ACSM2B: variants seen among roughly 807,000 people sequenced by gnomAD.
The protein encoded by ACSM2B is acyl-CoA synthetase medium chain family member 2B.
A neutral mutation model predicts 78.6 loss-of-function variants in ACSM2B; 58 were observed. That is an observed-to-expected ratio of 0.74 (90% CI 0.60 to 0.92). ACSM2B has a LOEUF of 0.92. ACSM2B is among the 40% of genes least tolerant of loss of function. The pLI, the probability that ACSM2B is intolerant of heterozygous loss-of-function variation, is 0.00. For synonymous variants in ACSM2B, 257 were observed against 256.8 expected, an observed-to-expected ratio of 1.00 and a Z score of -0.01; for missense variants, 688 against 711.2, an observed-to-expected ratio of 0.97 and a Z score of 0.37.
rs533140564 is a variant in ACSM2B at position 20,536,344 on chromosome 16, G to A, written c.*914C>T. On this transcript the variant is annotated 3_prime_UTR_variant, in exon 14 of 14. Coordinates refer to ENST00000329697, the MANE Select transcript of ACSM2B (RefSeq NM_001105069.2). Reference sequence around the variant, plus strand: ...TGAGGTATGGGTAGCTGATAACTTTGGCAGTGCTTACTTTGTTCTCACAGC... The same window carrying A: ...TGAGGTATGGGTAGCTGATAACTTTAGCAGTGCTTACTTTGTTCTCACAGC... 3.3e-5 allele frequency: 5 copies of A among 152,196 alleles called. No homozygotes were observed. In the South Asian group the frequency reaches 1.0e-3, roughly 32 times the overall value. 9.4% of individuals were successfully genotyped at this position (152,196 alleles called of 1,614,324 possible). A position where few individuals can be genotyped will look rare whatever the true frequency, so the allele number is the denominator to read the frequency against.
intron 9 of ACSM2B, 141 bp from the exon 10 acceptor site, chr16:20,545,399 C>T (rs1204550807): frequency 1.0e-6 from 1 of 965,322 alleles, no homozygotes; most frequent in Non-Finnish European, 1.5e-6. Flanking sequence ...ACCAAGGGAA[C>T]CCAAGAGTCT....
chr16:20,546,300 C>T, intron 9 of ACSM2B, 94 bp downstream of exon 9: 1 of 1,494,416 alleles, frequency 6.7e-7, no homozygotes, highest in Non-Finnish European at 9.0e-7. Context: ...TCAGTACTTT[C>T]TATTATTTTT....
chr16:20,567,793 T>C (rs2015971274), intron 1 of ACSM2B, among the ~76,000 whole-genome samples: 1 of 140,662 alleles, frequency 7.1e-6, no homozygotes, highest in Non-Finnish European at 1.5e-5. Flanking sequence ...ATAATATATA[T>C]GATATATAAT....
intron 13 of ACSM2B, among the ~76,000 whole-genome samples, chr16:20,537,901 T>C (rs1275142776): frequency 6.6e-6 from 1 of 152,196 alleles, no homozygotes; most frequent in Non-Finnish European, 1.5e-5. Context: ...TACCTCATTT[T>C]GAATTCCACA....
In ACSM2B at chr16:20,564,148, C is replaced by T. The variant is rs571797361; in HGVS notation, c.177+521G>A. Among the ~76,000 whole-genome samples the T allele has an allele frequency of 2.5e-3, 383 of 151,550 alleles. 5 individuals carry two copies. Among genetic ancestry groups the T allele is most frequent in the East Asian group, 0.02 (98 of 4,964 alleles). On this transcript the variant is annotated intron_variant, in intron 2 of 13. Coordinates refer to ENST00000329697, the MANE Select transcript of ACSM2B (RefSeq NM_001105069.2). ...AGAGAGAATCTCACTCTGTGGAGTG[C>T]GGTGGTGTGATCACAGTTCACTGCA...
chr16:20,540,321 T>C (rs2014953876), intron 13 of ACSM2B, among the ~76,000 whole-genome samples: 1 of 151,318 alleles, frequency 6.6e-6, no homozygotes, highest in African/African-American at 2.4e-5. Flanking sequence ...CGGCTCACTG[T>C]AACCTACACC....
intron 8 of ACSM2B, 176 bp from the exon 9 acceptor site, chr16:20,546,650 G>C (rs2015151261): frequency 1.7e-6 from 2 of 1,204,232 alleles, no homozygotes; most frequent in Non-Finnish European, 1.1e-6. Context: ...ACAATCCTAG[G>C]GGCCTCACTA....
chr16:20,566,250 TATATATATA>T (rs2015831925), intron 1 of ACSM2B, among the ~76,000 whole-genome samples: 2 of 42,334 alleles, frequency 4.7e-5, no homozygotes, highest in African/African-American at 1.4e-4. Flanking sequence ...TGGAAGATTA[TATATATATA>T]TATATATATA....
At chr16:20,538,810 T>G (rs1453449708) in intron 13 of ACSM2B, among the ~76,000 whole-genome samples, 5 of 152,108 alleles carry the variant, frequency 3.3e-5, no homozygotes, top group Non-Finnish European at 2.9e-5. Flanking sequence ...TGGAGGTGAA[T>G]GTTGAACCCG....
chr16:20,545,807 G>C (rs565771599), intron 9 of ACSM2B, among the ~76,000 whole-genome samples: 1 of 152,268 alleles, frequency 6.6e-6, no homozygotes, highest in African/African-American at 2.4e-5. Context: ...TTACACTTTA[G>C]ATATACAGAA....
intron 4 of ACSM2B, among the ~76,000 whole-genome samples, chr16:20,554,619 A>G (rs2015413303): frequency 6.6e-6 from 1 of 152,234 alleles, no homozygotes; most frequent in Non-Finnish European, 1.5e-5. Flanking sequence ...TGGAAGGACT[A>G]TCAAGGTCTT....
At chr16:20,545,399 C>G in intron 9 of ACSM2B, 141 bp from the exon 10 acceptor site, 6 of 965,322 alleles carry the variant, frequency 6.2e-6, no homozygotes, top group Non-Finnish European at 8.8e-6. Flanking sequence ...ACCAAGGGAA[C>G]CCAAGAGTCT....
intron 2 of ACSM2B, among the ~76,000 whole-genome samples, chr16:20,559,751 A>C (rs1389013714): frequency 6.6e-6 from 1 of 151,030 alleles, no homozygotes; most frequent in Non-Finnish European, 1.5e-5. Context: ...TGTACTTTTC[A>C]AAATGAAAAA....
intron 1 of ACSM2B, among the ~76,000 whole-genome samples, chr16:20,570,395 A>C (rs1261330926): frequency 6.6e-5 from 10 of 151,992 alleles, no homozygotes. Flanking sequence ...CCATTCCTGC[A>C]TCCCTGGTAT....
chr16:20,544,525 A>G (rs2015081952), intron 10 of ACSM2B: 2 of 936,282 alleles, frequency 2.1e-6, no homozygotes, highest in Non-Finnish European at 2.5e-6. Context: ...GGTAGAAACT[A>G]TTATTATTTG....
At chr16:20,558,042 A>G (rs773642367) in intron 3 of ACSM2B, among the ~76,000 whole-genome samples, 1 of 152,228 alleles carries the variant, frequency 6.6e-6, no homozygotes, top group Non-Finnish European at 1.5e-5. Context: ...TGGAAAAATA[A>G]CAAATTTGTC....
intron 10 of ACSM2B, among the ~76,000 whole-genome samples, chr16:20,543,527 T>C (rs1438225050): frequency 6.6e-6 from 1 of 152,240 alleles, no homozygotes; most frequent in Non-Finnish European, 1.5e-5. Flanking sequence ...TATTCATTCA[T>C]CCATGCTTAG....
Position 20,553,810 on chromosome 16 carries a change from G to A in ACSM2B, c.707C>T (p.Ser236Leu), listed in dbSNP as rs769565102. The A allele has an allele frequency of 2.7e-5, 44 of 1,612,078 alleles. No individual in the cohort carries two copies. The highest frequency in any genetic ancestry group is 3.5e-5 in the Non-Finnish European group (41 of 1,178,622). The change falls in exon 5 of 14, where the codon TCG becomes TTG. Residue 236 changes from serine (S) to leucine (L), a missense_variant. Physicochemically the swap from Ser to Leu is moderately radical, Grantham distance 145 (BLOSUM62 -2). Coordinates refer to ENST00000329697, the MANE Select transcript of ACSM2B (RefSeq NM_001105069.2). ...GLPKMAEHSY[S>L]SLGLKAKMDA... is the part of the protein sequence containing the mutation. ...CATCTTGGCCTTGAGGCCCAGGCTC[G>A]AGTAGGAATGTTCTGCCATCTTGGG...
At chr16:20,549,941 T>C (rs1487411135) in intron 6 of ACSM2B, 2 of 344,000 alleles carry the variant, frequency 5.8e-6, no homozygotes, top group Non-Finnish European at 1.1e-5. Context: ...CAAGTTCTTA[T>C]TTGCACAGGA....
Sources: allele counts gnomAD v4.1 joint callset (sites outside exome capture counted in the v4.1 genomes callset), GRCh38; gene constraint gnomAD v4.1.1; transcripts MANE v1.5; gene names NCBI Gene and HGNC (gene_info 2026-07-23, HGNC 2026-07-21).